PKD1L1: variants seen among roughly 807,000 people sequenced by gnomAD.
PKD1L1 encodes the protein polycystin-1-like protein 1.
PKD1L1 carries 236 observed loss-of-function variants against 323.4 expected under a neutral mutation model. The observed-to-expected ratio is 0.73, with a 90% confidence interval of 0.66 to 0.81. The LOEUF is 0.81. Ranked by LOEUF, PKD1L1 falls within the 40% of genes least tolerant of loss-of-function variation. PKD1L1 has a pLI of 0.00. For synonymous variants in PKD1L1, 1,344 were observed against 1,335.0 expected, an observed-to-expected ratio of 1.01 and a Z score of -0.15; for missense variants, 3,320 against 3,508.0, an observed-to-expected ratio of 0.95 and a Z score of 1.35.
At chr7:47,779,660 CTCT>C (rs1786645574) in intron 56 of PKD1L1, among the ~76,000 whole-genome samples, 1 of 152,180 alleles carries the variant, frequency 6.6e-6, no homozygotes, top group Non-Finnish European at 1.5e-5. Flanking sequence ...ATGACACAGG[CTCT>C]TCCCTCCACC....
At chr7:47,847,581 T>C (rs1277969806) in intron 31 of PKD1L1, among the ~76,000 whole-genome samples, 1 of 152,232 alleles carries the variant, frequency 6.6e-6, no homozygotes, top group Non-Finnish European at 1.5e-5. Context: ...CTACTTTTTA[T>C]ATTTAGAAGC....
In PKD1L1 at chr7:47,829,533, TAAAG is replaced by T. The variant is rs1463074700; in HGVS notation, c.6623_6626del (p.Ser2208TyrfsTer59). 2.5e-6 allele frequency: 4 copies of T among 1,613,870 alleles called. No individual in the cohort carries two copies. Among genetic ancestry groups the T allele is most frequent in the Non-Finnish European group, 3.4e-6 (4 of 1,179,996 alleles). On this transcript the variant is annotated frameshift_variant, in exon 44 of 57. Transcript: ENST00000289672. LOFTEE classifies it high-confidence loss of function. ...AGTCCAGATCCCTGGTAGCCTCACA[TAAAG>T]ACTCAGTAAAAAAGTGGTTGTCAGC...
intron 54 of PKD1L1, 91 bp downstream of exon 54, chr7:47,800,558 T>C (rs1784637751): frequency 1.5e-6 from 2 of 1,314,320 alleles, no homozygotes; most frequent in East Asian, 2.4e-5. Context: ...CTGTGTTGCC[T>C]GGCCCTGTCC....
At chr7:47,940,136 A>C in intron 3 of PKD1L1, 57 bp downstream of exon 3, 1 of 1,599,898 alleles carries the variant, frequency 6.3e-7, no homozygotes, top group Non-Finnish European at 8.5e-7. Context: ...TTTTAGCTGT[A>C]CTGTACATGT....
At chr7:47,934,376 T>C (rs972640974) in intron 4 of PKD1L1, among the ~76,000 whole-genome samples, 1 of 152,226 alleles carries the variant, frequency 6.6e-6, no homozygotes. Flanking sequence ...GGGGTTCACA[T>C]GCTGTCCACT....
intron 40 of PKD1L1, 39 bp downstream of exon 40, chr7:47,834,300 T>C (rs768306722): frequency 1.3e-6 from 2 of 1,598,298 alleles, no homozygotes; most frequent in African/African-American, 2.7e-5. Flanking sequence ...TTGCATTTCA[T>C]GCTAGAAGAT....
At chr7:47,835,269 A>G (rs764644230) in intron 37 of PKD1L1, 26 bp from the exon 38 acceptor site, 1 of 1,472,630 alleles carries the variant, frequency 6.8e-7, no homozygotes, top group South Asian at 1.3e-5. Flanking sequence ...AGCAGCCATT[A>G]CATCAACTCA....
chr7:47,866,678 A>G (rs1786177234), intron 24 of PKD1L1, 64 bp from the exon 25 acceptor site: 2 of 1,386,222 alleles, frequency 1.4e-6, no homozygotes, highest in Non-Finnish European at 2.0e-6. Context: ...CACCCTGACT[A>G]CCAAGAGTGG....
chr7:47,871,678 T>C (rs1786282440), intron 24 of PKD1L1, among the ~76,000 whole-genome samples: 1 of 146,030 alleles, frequency 6.8e-6, no homozygotes, highest in Non-Finnish European at 1.5e-5. Flanking sequence ...AAACATATAA[T>C]TGTCTCCATA....
chr7:47,853,338 T>C lies in PKD1L1; in HGVS notation c.4860-111A>G, dbSNP rs866480196. 4.0e-6 allele frequency: 3 copies of C among 752,184 alleles called. No homozygotes were observed. In the Admixed American group the frequency reaches 6.7e-5, roughly 17 times the overall value. 46.6% of individuals were successfully genotyped at this position (752,184 alleles called of 1,614,324 possible). ...AATTTGTGCAAAACATCCTTGTCACTGCAAGGAGGTAGCCTGGGACTAAAA... is the reference window on the plus strand; with the variant it reads ...AATTTGTGCAAAACATCCTTGTCACCGCAAGGAGGTAGCCTGGGACTAAAA... On this transcript the variant is annotated intron_variant, in intron 30 of 56. Transcript: ENST00000289672.
rs745554436 is a variant in PKD1L1, at chr7:47,792,657, T to C, written c.8496A>G (p.Leu2832=). Residue 2832 remains leucine, a synonymous_variant, in exon 56 of 57, where the codon TTA becomes TTG. Transcript: ENST00000289672. Reference sequence around the variant, plus strand: ...CAGCTTGGTAACTAGAAATGTCCACTAAGGGACTCTCTTCTGTCCTTGCCT... The same window carrying C: ...CAGCTTGGTAACTAGAAATGTCCACCAAGGGACTCTCTTCTGTCCTTGCCT... ...TGEARTEESP[L]VDISSYQAAE... The C allele has an allele frequency of 6.2e-7, 1 of 1,613,940 alleles. No individual in the cohort carries two copies. Among genetic ancestry groups the C allele is most frequent in the Non-Finnish European group, 8.5e-7 (1 of 1,179,924 alleles).
chr7:47,784,660 AC>A (rs1786768436), intron 56 of PKD1L1, among the ~76,000 whole-genome samples: 1 of 152,020 alleles, frequency 6.6e-6, no homozygotes, highest in Admixed American at 6.6e-5. Context: ...TTTAGTAGAA[AC>A]GGGGTTTCAC....
At chr7:47,857,898 A>T (rs568021817) in intron 27 of PKD1L1, 66 bp from the exon 28 acceptor site, 1 of 1,469,790 alleles carries the variant, frequency 6.8e-7, no homozygotes, top group African/African-American at 1.4e-5. Context: ...TTGAATCCAG[A>T]CTAGGAGAGA....
In PKD1L1 at chr7:47,882,282, T is replaced by TTCCC. The variant is rs67299719; in HGVS notation, c.3266-201_3266-198dup. ...ATGTAATTAGCGGTCCAAAGGCATC[T>TTCCC]TCCCTCCCTCCCTCCCTCCCTCCCT... is the stretch of plus-strand genomic sequence containing the variant. On this transcript the variant is annotated intron_variant, in intron 19 of 56. Coordinates refer to ENST00000289672, the MANE Select transcript of PKD1L1 (RefSeq NM_138295.5). 0.15 allele frequency among the ~76,000 whole-genome samples: 22,237 copies of TTCCC among 145,870 alleles called. 1,709 individuals are homozygous for TTCCC. Among genetic ancestry groups the TTCCC allele is most frequent in the South Asian group, 0.25 (1,084 of 4,326 alleles).
chr7:47,804,386 A>C (rs182212921), intron 52 of PKD1L1, among the ~76,000 whole-genome samples: 64 of 152,358 alleles, frequency 4.2e-4, no homozygotes, highest in African/African-American at 1.5e-3. Context: ...TTTTGTTTAA[A>C]ATAGTACATG....
intron 18 of PKD1L1, among the ~76,000 whole-genome samples, chr7:47,885,197 C>A (rs1206071313): frequency 2.0e-5 from 3 of 152,182 alleles, no homozygotes; most frequent in African/African-American, 7.2e-5. Context: ...GCATGCAGAG[C>A]ATGAGACCAC....
At chr7:47,804,469 A>ATT (rs71966592) in intron 52 of PKD1L1, among the ~76,000 whole-genome samples, 48,948 of 120,546 alleles carry the variant, frequency 0.41, 11,615 homozygotes, top group East Asian at 0.52. Context: ...TACATTTTTA[A>ATT]TTTTTTTTTT....
chr7:47,905,146 CT>C lies in PKD1L1; in HGVS notation c.1691+10del. 6.2e-7 allele frequency: 1 copy of C among 1,612,224 alleles called. No homozygotes were observed. The highest frequency in any genetic ancestry group is 1.3e-5 in the African/African-American group (1 of 74,966). On this transcript the variant is annotated intron_variant, in intron 11 of 56. Transcript: ENST00000289672. ...AAACAGCTACTCAGCAGGACTGCTA[CT>C]TTTACTGACCATTGGGGGATGCTGA...
intron 37 of PKD1L1, 44 bp from the exon 38 acceptor site, chr7:47,835,287 T>C: frequency 7.7e-7 from 1 of 1,300,662 alleles, no homozygotes; most frequent in Non-Finnish European, 1.1e-6. Context: ...TCAATATGAG[T>C]CCCGCTTAAA....
Sources: allele counts gnomAD v4.1 joint callset (sites outside exome capture counted in the v4.1 genomes callset), GRCh38; gene constraint gnomAD v4.1.1; transcripts MANE v1.5; gene names NCBI Gene and HGNC (gene_info 2026-07-23, HGNC 2026-07-21).